Variants in CHST9 observed in about 807,000 individuals in gnomAD.
CHST9 encodes the protein carbohydrate sulfotransferase 9, also known as GalNAc-4-sulfotransferase 2.
A neutral mutation model predicts 44.4 loss-of-function variants in CHST9; 41 were observed. That is an observed-to-expected ratio of 0.92 (90% CI 0.72 to 1.20). The LOEUF is 1.20. Ranked by LOEUF, CHST9 falls within the 50% of genes most tolerant of loss-of-function variation. The pLI, the probability that CHST9 is intolerant of heterozygous loss-of-function variation, is 0.00. For missense variants in CHST9, 504 were observed against 516.5 expected (o/e 0.98, Z 0.23); for synonymous variants, 171 against 178.4 (o/e 0.96, Z 0.33).
intron 2 of CHST9, among the ~76,000 whole-genome samples, chr18:27,072,376 A>C (rs2057850212): frequency 6.6e-6 from 1 of 151,892 alleles, no homozygotes; most frequent in Admixed American, 6.6e-5. Flanking sequence ...CAATTTCATG[A>C]TTTGTTAGCT....
At chr18:27,141,551 A>G (rs2058565638) in intron 2 of CHST9, among the ~76,000 whole-genome samples, 1 of 137,422 alleles carries the variant, frequency 7.3e-6, no homozygotes, top group South Asian at 2.4e-4. Context: ...AGATCATGCT[A>G]TCGCTCTCCA....
intron 3 of CHST9, among the ~76,000 whole-genome samples, chr18:27,037,973 T>A (rs1568143901): frequency 6.6e-6 from 1 of 152,108 alleles, no homozygotes; most frequent in Non-Finnish European, 1.5e-5. Flanking sequence ...ATTCAAACAT[T>A]ACAACTATAA....
intron 2 of CHST9, among the ~76,000 whole-genome samples, chr18:27,082,944 A>T (rs1180912995): frequency 6.6e-6 from 1 of 152,200 alleles, no homozygotes; most frequent in Non-Finnish European, 1.5e-5. Flanking sequence ...GGGTAAGACA[A>T]CATCATGTTT....
At chr18:26,977,693 T>C (rs1309935215) in intron 4 of CHST9, among the ~76,000 whole-genome samples, 10 of 152,144 alleles carry the variant, frequency 6.6e-5, no homozygotes, top group Non-Finnish European at 1.3e-4. Flanking sequence ...AAAAAGAATA[T>C]GCATTATTAC....
intron 2 of CHST9, among the ~76,000 whole-genome samples, chr18:27,081,101 AC>A (rs1217324187): frequency 6.6e-6 from 1 of 152,098 alleles, no homozygotes; most frequent in African/African-American, 2.4e-5. Context: ...ATTCAGAGGG[AC>A]CCTAGGTGGG....
rs758732536 is a variant in CHST9 at position 26,916,903 on chromosome 18, T to C, written c.688A>G (p.Ile230Val). The change falls in exon 6 of 6, where the codon ATT becomes GTT. Residue 230 changes from isoleucine to valine, a missense_variant. Ile to Val is a conservative substitution (Grantham distance 29, BLOSUM62 3). Transcript: ENST00000618847. Reference protein sequence around the residue: ...PKAGCSNWKRILMVLNGLASS... With the variant: ...PKAGCSNWKRVLMVLNGLASS... ...GCCAATCCATTTAGTACCATCAGAA[T>C]TCTTTTCCAATTGGAACAGCCAGCC... 1 of 1,613,908 alleles carries C rather than the reference T, an allele frequency of 6.2e-7. No homozygotes were observed. The highest frequency in any genetic ancestry group is 1.1e-5 in the South Asian group (1 of 91,080).
intron 2 of CHST9, among the ~76,000 whole-genome samples, chr18:27,097,870 T>C (rs1053176598): frequency 7.2e-5 from 11 of 152,114 alleles, no homozygotes; most frequent in Non-Finnish European, 1.6e-4. Context: ...TTTTGTCAGG[T>C]TTGTCAAAAA....
chr18:26,939,555 T>C (rs1220272391), intron 5 of CHST9, among the ~76,000 whole-genome samples: 1 of 152,222 alleles, frequency 6.6e-6, no homozygotes, highest in African/African-American at 2.4e-5. Flanking sequence ...AGCAAGAGCA[T>C]GAATGGAGGT....
At chr18:27,091,926 G>T (rs923666288) in intron 2 of CHST9, among the ~76,000 whole-genome samples, 12 of 152,132 alleles carry the variant, frequency 7.9e-5, no homozygotes, top group Non-Finnish European at 1.5e-4. Flanking sequence ...TTGTGTCTCT[G>T]CCAGGCTTTG....
intron 5 of CHST9, among the ~76,000 whole-genome samples, chr18:26,942,900 G>A (rs937327848): frequency 6.6e-6 from 1 of 152,106 alleles, no homozygotes; most frequent in Non-Finnish European, 1.5e-5. Flanking sequence ...ATGAGGTCAA[G>A]AGATCAAGAC....
At chr18:27,053,287 A>AAGAAGAAGAG (rs1568151362) in intron 2 of CHST9, among the ~76,000 whole-genome samples, 1 of 136,706 alleles carries the variant, frequency 7.3e-6, no homozygotes, top group African/African-American at 2.8e-5. Context: ...AAGGAGAAGG[A>AAGAAGAAGAG]GAAGGAGAAG....
At chr18:27,041,394 G>C (rs993679585) in intron 3 of CHST9, among the ~76,000 whole-genome samples, 1 of 152,144 alleles carries the variant, frequency 6.6e-6, no homozygotes, top group African/African-American at 2.4e-5. Flanking sequence ...TGTTGTTTGT[G>C]AAAGAGTCAA....
chr18:27,138,121 C>T lies in CHST9; in HGVS notation c.121+4568G>A, dbSNP rs3937520. ...CATTAGTTTGTCCCATAATGGAGGG[C>T]CTGTCTCTTTTCTGTCACAAAGGAC... On this transcript the variant is annotated intron_variant, in intron 2 of 5. Transcript: ENST00000618847. Among the ~76,000 whole-genome samples, 965 of 152,294 alleles carry T rather than the reference C, an allele frequency of 6.3e-3. 17 individuals are homozygous for T. Among genetic ancestry groups the T allele is most frequent in the African/African-American group, 0.022 (910 of 41,550 alleles).
Position 27,159,590 on chromosome 18 carries a change from A to G in CHST9, c.-96-16685T>C, listed in dbSNP as rs186424011. ...TGGCTTAGGATTGACTTGGCAATGCAGGCTCGTTTTTGGTTCCATATGAAC... is the reference window on the plus strand; with the variant it reads ...TGGCTTAGGATTGACTTGGCAATGCGGGCTCGTTTTTGGTTCCATATGAAC... On this transcript the variant is annotated intron_variant, in intron 1 of 5. Coordinates refer to ENST00000618847, the MANE Select transcript of CHST9 (RefSeq NM_031422.6). 6.4e-3 allele frequency among the ~76,000 whole-genome samples: 971 copies of G among 152,224 alleles called. 8 individuals are homozygous for G. Among genetic ancestry groups the G allele is most frequent in the African/African-American group, 0.022 (931 of 41,546 alleles).
intron 1 of CHST9, among the ~76,000 whole-genome samples, chr18:27,180,484 T>A (rs893179607): frequency 6.6e-6 from 1 of 152,142 alleles, no homozygotes; most frequent in Non-Finnish European, 1.5e-5. Context: ...ACTCAATGCA[T>A]GAAAGAAGAC....
In CHST9 at chr18:26,910,348, T is replaced by C. The variant is rs1439308342; in HGVS notation, c.*5911A>G. ...AACCTCACTACCTGCACAACACAAA[T>C]AGGGTCAAGGATAATGTTCAGGAGT... On this transcript the variant is annotated 3_prime_UTR_variant, in exon 6 of 6. Transcript: ENST00000618847. 1 of 151,852 alleles carries C rather than the reference T, an allele frequency of 6.6e-6. No individual in the cohort carries two copies. Among genetic ancestry groups the C allele is most frequent in the Non-Finnish European group, 1.5e-5 (1 of 68,006 alleles). 9.4% of individuals were successfully genotyped at this position (151,852 alleles called of 1,614,324 possible).
chr18:27,016,031 AC>A (rs2037158795), intron 4 of CHST9, among the ~76,000 whole-genome samples: 1 of 151,852 alleles, frequency 6.6e-6, no homozygotes, highest in Non-Finnish European at 1.5e-5. Flanking sequence ...TATTCTACAG[AC>A]CTCCTGTCTT....
intron 5 of CHST9, chr18:26,935,815 C>A (rs1394765036): frequency 6.6e-6 from 1 of 152,118 alleles, no homozygotes; most frequent in Non-Finnish European, 1.5e-5. Flanking sequence ...TTCACTGGAT[C>A]CTTACTGGTA....
chr18:27,010,207 G>A (rs565720045), intron 4 of CHST9, among the ~76,000 whole-genome samples: 1 of 152,166 alleles, frequency 6.6e-6, no homozygotes, highest in African/African-American at 2.4e-5. Flanking sequence ...ACAGCTGAAA[G>A]GGAGATCTCA....
Sources: allele counts gnomAD v4.1 joint callset (sites outside exome capture counted in the v4.1 genomes callset), GRCh38; gene constraint gnomAD v4.1.1; transcripts MANE v1.5; gene names NCBI Gene and HGNC (gene_info 2026-07-23, HGNC 2026-07-21).